AMH: variants seen among roughly 807,000 people sequenced by gnomAD.
AMH encodes the protein anti-Muellerian hormone.
AMH carries 39 observed loss-of-function variants against 33.3 expected under a neutral mutation model. That is an observed-to-expected ratio of 1.17 (90% confidence interval 0.91 to 1.53). AMH has a LOEUF of 1.53. Among genes scored for constraint, AMH ranks in the 40% most tolerant of loss-of-function variants. The pLI, the probability that AMH is intolerant of heterozygous loss-of-function variation, is 0.00. For synonymous variants in AMH, 536 were observed against 403.0 expected, an observed-to-expected ratio of 1.33 and a Z score of -3.95; for missense variants, 1,019 against 799.8, an observed-to-expected ratio of 1.27 and a Z score of -3.30.
At position 2,251,526 on chromosome 19, in the gene AMH, C is replaced by T. The variant is rs1168156475; in HGVS notation, c.1252C>T (p.Leu418Phe). 4 of 1,341,956 alleles carry T rather than the reference C, an allele frequency of 3.0e-6. No individual in the cohort carries two copies. The highest frequency in any genetic ancestry group is 9.5e-7 in the Non-Finnish European group (1 of 1,049,010). 83.1% of individuals were successfully genotyped at this position (1,341,956 alleles called of 1,614,324 possible). ...GCTCTGCCCAGGTGGCCCCGGCGGC[C>T]TCGGCGATCCCCTGCGAGCGCTGCT... ...LALCPGGPGG[L>F]GDPLRALLLL... Residue 418 changes from leucine to phenylalanine, a missense_variant, in exon 5 of 5, where the codon CTC becomes TTC. Transcript: ENST00000221496.
rs985697346 is a variant in AMH, at chr19:2,251,357, G to A, written c.1083G>A (p.Ala361=). The A allele has an allele frequency of 2.0e-5, 29 of 1,484,158 alleles. No homozygotes were observed. In the African/African-American group the frequency reaches 2.2e-4, roughly 11 times the overall value. The allele number at this position is 1,484,158 out of a possible 1,614,324, so 91.9% of individuals were successfully genotyped here. The change falls in exon 5 of 5, where the codon GCG becomes GCA. Residue 361 remains alanine (A), a synonymous_variant. Transcript: ENST00000221496. ...RPTAATTGDP[A]PLHDPTSAPW... Reference sequence around the variant, plus strand: ...CTGCGGCCACCACCGGGGATCCTGCGCCCCTGCACGACCCCACGTCGGCGC... The same window carrying A: ...CTGCGGCCACCACCGGGGATCCTGCACCCCTGCACGACCCCACGTCGGCGC...
chr19:2,251,922 C>T lies in AMH; in HGVS notation c.1648C>T (p.Pro550Ser). The T allele has an allele frequency of 6.4e-7, 1 of 1,556,916 alleles. No individual in the cohort carries two copies. The highest frequency in any genetic ancestry group is 8.6e-7 in the Non-Finnish European group (1 of 1,159,774). Residue 550 changes from proline to serine, a missense_variant, in exon 5 of 5, where the codon CCC (proline) becomes TCC (serine). Physicochemically the swap from Pro to Ser is moderately conservative, Grantham distance 74. Transcript: ENST00000221496. ...SEERISAHHV[P>S]NMVATECGCR ...GGAGCGCATCAGCGCGCACCACGTG[C>T]CCAACATGGTGGCCACCGAGTGTGG...
rs575649415 is a variant in AMH at position 2,252,068 on chromosome 19, A to G, written c.*111A>G. 2 of 1,462,150 alleles carry G rather than the reference A, an allele frequency of 1.4e-6. No individual in the cohort carries two copies. The highest frequency in any genetic ancestry group is 1.8e-6 in the Non-Finnish European group (2 of 1,090,512). The allele number at this position is 1,462,150 out of a possible 1,614,324, so 90.6% of individuals were successfully genotyped here. A position where few individuals can be genotyped will look rare whatever the true frequency, so the allele number is the denominator to read the frequency against. On this transcript the variant is annotated 3_prime_UTR_variant, in exon 5 of 5. Transcript: ENST00000221496. ...TCGCCCCAATAAAGACCAGCAAGCA[A>G]CCGGCTGGGGTGTCCGTGCGTGTTA... is the stretch of plus-strand genomic sequence containing the variant.
rs899458175 is a variant in AMH at position 2,249,998 on chromosome 19, AGAC to A, written c.412+259_412+261del. 17 of 615,788 alleles carry A rather than the reference AGAC, an allele frequency of 2.8e-5. No individual in the cohort carries two copies. In the African/African-American group the frequency reaches 3.1e-4, roughly 11 times the overall value. The allele number at this position is 615,788 out of a possible 1,614,324, so 38.1% of individuals were successfully genotyped here. A position where few individuals can be genotyped will look rare whatever the true frequency, so the allele number is the denominator to read the frequency against. On this transcript the variant is annotated intron_variant, in intron 1 of 4. Coordinates refer to ENST00000221496, the MANE Select transcript of AMH (RefSeq NM_000479.5). Reference sequence around the variant, plus strand: ...GCTGCTGCCTTCTCCCCACCCCTGAAGACGACGCAGGGCTCGGGGCCAGTGGAA... The same window carrying A: ...GCTGCTGCCTTCTCCCCACCCCTGAAGACGCAGGGCTCGGGGCCAGTGGAA...
At position 2,250,607 on chromosome 19, in the gene AMH, C is replaced by T. The variant is rs747680434; in HGVS notation, c.556-45C>T. 7.8e-6 allele frequency: 12 copies of T among 1,536,388 alleles called. No individual in the cohort carries two copies. In the African/African-American group the frequency reaches 1.6e-4, roughly 21 times the overall value. On this transcript the variant is annotated intron_variant, in intron 2 of 4. Coordinates refer to ENST00000221496, the MANE Select transcript of AMH (RefSeq NM_000479.5). Reference sequence around the variant, plus strand: ...GAGGAAGGGGACCGGTAGAGCGGGGCTGGGTAAGCCTCCATCCAGCCGGGC... The same window carrying T: ...GAGGAAGGGGACCGGTAGAGCGGGGTTGGGTAAGCCTCCATCCAGCCGGGC...
In AMH at chr19:2,251,921, G is replaced by A. The variant is rs759225605; in HGVS notation, c.1647G>A (p.Val549=). Residue 549 remains valine (V), a synonymous_variant, in exon 5 of 5, where the codon GTG becomes GTA. Transcript: ENST00000221496. The part of the protein sequence containing the change: ...LSEERISAHH[V]PNMVATECGC... ...AGGAGCGCATCAGCGCGCACCACGTGCCCAACATGGTGGCCACCGAGTGTG... is the reference window on the plus strand; with the variant it reads ...AGGAGCGCATCAGCGCGCACCACGTACCCAACATGGTGGCCACCGAGTGTG... The A allele has an allele frequency of 1.2e-5, 18 of 1,556,194 alleles. No individual in the cohort carries two copies. Among genetic ancestry groups the A allele is most frequent in the Admixed American group, 7.4e-5 (4 of 54,062 alleles).
At position 2,251,697 on chromosome 19, in the gene AMH, C is replaced by T. The variant is rs766349658; in HGVS notation, c.1423C>T (p.Arg475Cys). ...GCTCAGCGTAGACCTCCGCGCCGAGCGCTCCGTACTCATCCCCGAGACCTA... is the reference window on the plus strand; with the variant it reads ...GCTCAGCGTAGACCTCCGCGCCGAGTGCTCCGTACTCATCCCCGAGACCTA... ...RELSVDLRAE[R>C]SVLIPETYQA... Residue 475 changes from arginine to cysteine, a missense_variant, in exon 5 of 5, where the codon CGC (arginine) becomes TGC (cysteine). Arg to Cys is a radical substitution (Grantham distance 180). Coordinates refer to ENST00000221496, the MANE Select transcript of AMH (RefSeq NM_000479.5). 2 of 1,611,468 alleles carry T rather than the reference C, an allele frequency of 1.2e-6. No individual in the cohort carries two copies. The highest frequency in any genetic ancestry group is 2.2e-5 in the East Asian group (1 of 44,850).
rs1396826486 is a variant in AMH, at chr19:2,251,807, G to T, written c.1533G>T (p.Leu511=). The T allele has an allele frequency of 1.2e-6, 2 of 1,608,036 alleles. No individual in the cohort carries two copies. The highest frequency in any genetic ancestry group is 1.7e-6 in the Non-Finnish European group (2 of 1,179,300). ...PRYGNHVVLL[L]KMQVRGAALA... is the part of the protein sequence containing the mutation. ...ACGGCAACCACGTGGTGCTGCTGCT[G>T]AAGATGCAGGTCCGTGGGGCCGCCC... Residue 511 remains leucine, a synonymous_variant, in exon 5 of 5, where the codon CTG becomes CTT. Transcript: ENST00000221496.
chr19:2,251,804 G>C lies in AMH; in HGVS notation c.1530G>C (p.Leu510=). The C allele has an allele frequency of 6.2e-7, 1 of 1,608,578 alleles. No homozygotes were observed. The highest frequency in any genetic ancestry group is 8.5e-7 in the Non-Finnish European group (1 of 1,179,392). The stretch of plus-strand genomic sequence containing the variant: ...GCTACGGCAACCACGTGGTGCTGCT[G>C]CTGAAGATGCAGGTCCGTGGGGCCG... The part of the protein sequence containing the change: ...NPRYGNHVVL[L]LKMQVRGAAL... Residue 510 remains leucine, a synonymous_variant, in exon 5 of 5, where the codon CTG becomes CTC. Transcript: ENST00000221496.
At position 2,249,691 on chromosome 19, in the gene AMH, C is replaced by T. The variant is rs754078076; in HGVS notation, c.359C>T (p.Ala120Val). 1 of 1,501,996 alleles carries T rather than the reference C, an allele frequency of 6.7e-7. No homozygotes were observed. Among genetic ancestry groups the T allele is most frequent in the African/African-American group, 1.4e-5 (1 of 71,714 alleles). 93.0% of individuals were successfully genotyped at this position (1,501,996 alleles called of 1,614,324 possible). A position where few individuals can be genotyped will look rare whatever the true frequency, so the allele number is the denominator to read the frequency against. ...AALPSLRRLG[A>V]WLRDPGGQRL... ...TTGCCCTCTCTACGGCGGCTGGGGG[C>T]CTGGCTGCGGGACCCTGGGGGGCAG... The change falls in exon 1 of 5, where the codon GCC (alanine) becomes GTC (valine). Residue 120 changes from alanine (A) to valine (V), a missense_variant. By Grantham distance (64) the Ala-to-Val change is moderately conservative. Coordinates refer to ENST00000221496, the MANE Select transcript of AMH (RefSeq NM_000479.5).
chr19:2,251,246 G>A lies in AMH; in HGVS notation c.972G>A (p.Pro324=). ...ALDPDALAGF[P]QGLVNLSDPA... ...ATCCGGACGCGCTGGCCGGCTTCCC[G>A]CAGGGCCTAGTCAACCTGTCGGACC... Residue 324 remains proline (P), a synonymous_variant, in exon 5 of 5, where the codon CCG becomes CCA. Transcript: ENST00000221496. 6.7e-7 allele frequency: 1 copy of A among 1,503,380 alleles called. No individual in the cohort carries two copies. Among genetic ancestry groups the A allele is most frequent in the East Asian group, 2.7e-5 (1 of 37,228 alleles). The allele number at this position is 1,503,380 out of a possible 1,614,324, so 93.1% of individuals were successfully genotyped here.
Position 2,250,417 on chromosome 19 carries a change from G to T in AMH, c.493G>T (p.Val165Leu). 6.4e-7 allele frequency: 1 copy of T among 1,568,430 alleles called. No individual in the cohort carries two copies. The highest frequency in any genetic ancestry group is 2.3e-5 in the East Asian group (1 of 42,742). The stretch of plus-strand genomic sequence containing the variant: ...TGGCCCCCCAGAGCTGGCGCTGCTG[G>T]TGCTGTACCCTGGGCCTGGCCCTGA... Reference protein sequence around the residue: ...GAGPPELALLVLYPGPGPEVT... With the variant: ...GAGPPELALLLLYPGPGPEVT... Residue 165 changes from valine (V) to leucine (L), a missense_variant, in exon 2 of 5, where the codon GTG (valine) becomes TTG (leucine). By Grantham distance (32) the Val-to-Leu change is conservative. Coordinates refer to ENST00000221496, the MANE Select transcript of AMH (RefSeq NM_000479.5).
Position 2,251,898 on chromosome 19 carries a change from G to A in AMH, c.1624G>A (p.Glu542Lys). 1 of 1,571,564 alleles carries A rather than the reference G, an allele frequency of 6.4e-7. No homozygotes were observed. ...CAAGCTGCTCATCAGCCTGTCGGAG[G>A]AGCGCATCAGCGCGCACCACGTGCC... ...AGKLLISLSE[E>K]RISAHHVPNM... Residue 542 changes from glutamate (E) to lysine (K), a missense_variant, in exon 5 of 5, where the codon GAG becomes AAG. Coordinates refer to ENST00000221496, the MANE Select transcript of AMH (RefSeq NM_000479.5).
In AMH at chr19:2,250,745, C is replaced by T. The variant is rs1183532981; in HGVS notation, c.649C>T (p.Gln217Ter). ...CGGCTCCGGGCTGGCCTTGACCCTG[C>T]AGCCCCGCGGAGAGGGTAGGTCCGC... Reference protein sequence around the residue: ...WRGSGLALTLQPRGEDSRLST... With the variant: ...WRGSGLALTL The change falls in exon 3 of 5, where the codon CAG becomes TAG. Residue 217 changes from glutamine to a stop codon, truncating the protein, a stop_gained. Transcript: ENST00000221496. LOFTEE classifies it high-confidence loss of function. 13 of 1,536,062 alleles carry T rather than the reference C, an allele frequency of 8.5e-6. No homozygotes were observed. The highest frequency in any genetic ancestry group is 4.1e-5 in the African/African-American group (3 of 73,126).
At chr19:2,250,001 C>T (rs374898902) in intron 1 of AMH, 62 of 610,922 alleles carry the variant, frequency 1.0e-4, no homozygotes, top group South Asian at 4.1e-4. Flanking sequence ...CCCCTGAAGA[C>T]GACGCAGGGC....
At position 2,249,583 on chromosome 19, in the gene AMH, T is replaced by C. The variant is rs751285750; in HGVS notation, c.251T>C (p.Leu84Pro). Residue 84 changes from leucine to proline, a missense_variant, in exon 1 of 5, where the codon CTG becomes CCG. Transcript: ENST00000221496. The part of the protein sequence containing the change: ...GALSAYEQAF[L>P]GAVQRARWGP... The stretch of plus-strand genomic sequence containing the variant: ...CTAAGCGCCTATGAGCAGGCCTTCC[T>C]GGGGGCCGTGCAGAGGGCCCGCTGG... The C allele has an allele frequency of 1.9e-6, 3 of 1,567,502 alleles. No homozygotes were observed. Among genetic ancestry groups the C allele is most frequent in the Non-Finnish European group, 2.6e-6 (3 of 1,158,904 alleles).
At chr19:2,250,074 A>G in intron 1 of AMH, 2 of 636,134 alleles carry the variant, frequency 3.1e-6, no homozygotes, top group South Asian at 3.8e-5. Flanking sequence ...CTGGCCTAAG[A>G]TACTCCCTGC....
rs1014988797 is a variant in AMH, at chr19:2,251,324, G to A, written c.1050G>A (p.Leu350=). 5.3e-6 allele frequency: 8 copies of A among 1,498,920 alleles called. No individual in the cohort carries two copies. In the African/African-American group the frequency reaches 1.0e-4, roughly 19 times the overall value. 92.9% of individuals were successfully genotyped at this position (1,498,920 alleles called of 1,614,324 possible). ...LDGEEPLLLL[L]RPTAATTGDP... is the part of the protein sequence containing the mutation. Reference sequence around the variant, plus strand: ...GCGAGGAGCCGCTGCTGCTGCTGCTGAGGCCCACTGCGGCCACCACCGGGG... The same window carrying A: ...GCGAGGAGCCGCTGCTGCTGCTGCTAAGGCCCACTGCGGCCACCACCGGGG... The change falls in exon 5 of 5, where the codon CTG becomes CTA. Residue 350 remains leucine (L), a synonymous_variant. Coordinates refer to ENST00000221496, the MANE Select transcript of AMH (RefSeq NM_000479.5).
rs1425823449 is a variant in AMH, at chr19:2,249,510, G to A, written c.178G>A (p.Gly60Ser). ...PQEPLCLVAL[G>S]GDSNGSSSPL... ...AGAGCCTCTGTGCCTGGTGGCACTG[G>A]GCGGGGACAGCAATGGCAGCAGCTC... is the stretch of plus-strand genomic sequence containing the variant. Residue 60 changes from glycine (G) to serine (S), a missense_variant, in exon 1 of 5, where the codon GGC becomes AGC. Physicochemically the swap from Gly to Ser is moderately conservative, Grantham distance 56. Coordinates refer to ENST00000221496, the MANE Select transcript of AMH (RefSeq NM_000479.5). 6.2e-7 allele frequency: 1 copy of A among 1,605,766 alleles called. No homozygotes were observed. Among genetic ancestry groups the A allele is most frequent in the East Asian group, 2.2e-5 (1 of 44,646 alleles).
Sources: allele counts gnomAD v4.1 joint callset, GRCh38; gene constraint gnomAD v4.1.1; transcripts MANE v1.5; gene names NCBI Gene and HGNC (gene_info 2026-07-23, HGNC 2026-07-21).